AKT3: variants seen among roughly 807,000 people sequenced by gnomAD.
AKT3 encodes AKT serine/threonine kinase 3, also known as RAC-gamma serine/threonine-protein kinase.
AKT3 carries 15 observed loss-of-function variants against 65.3 expected under a neutral mutation model. That is an observed-to-expected ratio of 0.23 (90% confidence interval 0.15 to 0.35). The LOEUF is 0.35. Among genes scored for constraint, AKT3 ranks in the 10% least tolerant of loss-of-function variants. The pLI, the probability that AKT3 is intolerant of heterozygous loss-of-function variation, is 1.00. For missense variants in AKT3, 243 were observed against 576.5 expected (o/e 0.42, Z 5.92); for synonymous variants, 206 against 183.8 (o/e 1.12, Z -0.98).
intron 4 of AKT3, among the ~76,000 whole-genome samples, chr1:243,656,313 ATTAG>A (rs778150726): frequency 5.9e-5 from 9 of 152,208 alleles, no homozygotes; most frequent in South Asian, 2.1e-4. Flanking sequence ...TCACCAACTG[ATTAG>A]TTACTTACTA....
chr1:243,689,921 G>A (rs1157292511), intron 3 of AKT3, among the ~76,000 whole-genome samples: 1 of 151,738 alleles, frequency 6.6e-6, no homozygotes, highest in Non-Finnish European at 1.5e-5. Flanking sequence ...CTCCAGCCTG[G>A]GTGACAGAGT....
chr1:243,642,524 T>A (rs180917000), intron 5 of AKT3, among the ~76,000 whole-genome samples: 1 of 152,054 alleles, frequency 6.6e-6, no homozygotes, highest in Admixed American at 6.6e-5. Context: ...TTAGCCAGGA[T>A]GGTCTCGATC....
At chr1:243,807,175 G>C (rs369667929) in intron 2 of AKT3, among the ~76,000 whole-genome samples, 1 of 152,162 alleles carries the variant, frequency 6.6e-6, no homozygotes, top group Non-Finnish European at 1.5e-5. Context: ...GGGGATTGTC[G>C]GACAGTGGGT....
At chr1:243,561,555 C>T (rs902628026) in intron 10 of AKT3, among the ~76,000 whole-genome samples, 18 of 152,106 alleles carry the variant, frequency 1.2e-4, no homozygotes, top group Admixed American at 7.9e-4. Context: ...ATTGCATTTG[C>T]TATCTATCAT....
At chr1:243,693,243 GATATATATATATATAT>G (rs1172388560) in intron 3 of AKT3, among the ~76,000 whole-genome samples, 1,746 of 45,352 alleles carry the variant, frequency 0.038, 140 homozygotes, top group African/African-American at 0.13. Flanking sequence ...GCTACAATTT[GATATATATATATATAT>G]ATATATATAT....
chr1:243,746,632 A>G (rs1688485883), intron 2 of AKT3, among the ~76,000 whole-genome samples: 1 of 152,210 alleles, frequency 6.6e-6, no homozygotes, highest in African/African-American at 2.4e-5. Flanking sequence ...TGTACCTGAA[A>G]CTAACATACT....
At chr1:243,649,347 G>GT (rs1459106537) in intron 4 of AKT3, among the ~76,000 whole-genome samples, 1 of 142,692 alleles carries the variant, frequency 7.0e-6, no homozygotes, top group East Asian at 2.0e-4. Flanking sequence ...GTGTGTGTGT[G>GT]TGTGTGTGTG....
chr1:243,783,476 G>A (rs969164547), intron 2 of AKT3, among the ~76,000 whole-genome samples: 1 of 151,976 alleles, frequency 6.6e-6, no homozygotes, highest in African/African-American at 2.4e-5. Flanking sequence ...ATCTTCATCT[G>A]GACTAGGTAT....
At chr1:243,818,550 G>GA (rs1193666466) in intron 2 of AKT3, among the ~76,000 whole-genome samples, 2 of 152,038 alleles carry the variant, frequency 1.3e-5, no homozygotes, top group East Asian at 1.9e-4. Flanking sequence ...TTTGGACTAA[G>GA]AAAAAATGGC....
At chr1:243,786,952 TGAC>T (rs1691304426) in intron 2 of AKT3, among the ~76,000 whole-genome samples, 1 of 152,166 alleles carries the variant, frequency 6.6e-6, no homozygotes, top group South Asian at 2.1e-4. Context: ...ATGTAAGAAC[TGAC>T]CTGAGAACAC....
intron 12 of AKT3, among the ~76,000 whole-genome samples, chr1:243,513,493 TTC>T (rs1404603793): frequency 6.6e-6 from 1 of 152,162 alleles, no homozygotes; most frequent in African/African-American, 2.4e-5. Context: ...TTCCCACTCT[TTC>T]TGTCACCAAA....
At chr1:243,820,059 C>T (rs796962778) in intron 2 of AKT3, among the ~76,000 whole-genome samples, 21 of 152,320 alleles carry the variant, frequency 1.4e-4, no homozygotes, top group African/African-American at 5.0e-4. Flanking sequence ...GCTGGGACTA[C>T]AGGCGCATGC....
intron 2 of AKT3, among the ~76,000 whole-genome samples, chr1:243,730,433 G>C (rs1039096219): frequency 2.6e-5 from 4 of 152,230 alleles, no homozygotes; most frequent in Non-Finnish European, 5.9e-5. Flanking sequence ...GAAAAGGGCT[G>C]CAACACTTTC....
At chr1:243,706,619 C>T (rs1685815304) in intron 2 of AKT3, among the ~76,000 whole-genome samples, 1 of 152,138 alleles carries the variant, frequency 6.6e-6, no homozygotes, top group African/African-American at 2.4e-5. Flanking sequence ...GAATCCATGC[C>T]CTTCATAACT....
chr1:243,631,997 C>T (rs1445423532), intron 6 of AKT3, among the ~76,000 whole-genome samples: 1 of 152,208 alleles, frequency 6.6e-6, no homozygotes, highest in Non-Finnish European at 1.5e-5. Context: ...TTGAACCCCT[C>T]AAACTCATCC....
intron 5 of AKT3, among the ~76,000 whole-genome samples, chr1:243,642,468 C>CCCAG (rs1391103468): frequency 2.1e-4 from 32 of 152,176 alleles, no homozygotes; most frequent in African/African-American, 7.7e-4. Flanking sequence ...CGCCACCACG[C>CCCAG]CTGGTTAATT....
At chr1:243,796,305 T>C (rs1292930746) in intron 2 of AKT3, among the ~76,000 whole-genome samples, 1 of 152,208 alleles carries the variant, frequency 6.6e-6, no homozygotes, top group Non-Finnish European at 1.5e-5. Context: ...GAGAGCTCTT[T>C]TGAAATCAGC....
At chr1:243,644,083 A>G (rs575864981) in intron 5 of AKT3, among the ~76,000 whole-genome samples, 36 of 152,322 alleles carry the variant, frequency 2.4e-4, no homozygotes, top group Middle Eastern at 3.4e-3. Flanking sequence ...AACTTCAAAC[A>G]TATAAGATCT....
intron 3 of AKT3, among the ~76,000 whole-genome samples, chr1:243,682,614 T>C (rs181229943): frequency 6.6e-4 from 101 of 152,274 alleles, no homozygotes; most frequent in African/African-American, 2.1e-3. Context: ...CCATATTTAT[T>C]CCTATCATTT....
Sources: gnomAD v4.1 joint callset for allele counts (sites outside exome capture counted in the v4.1 genomes callset) on GRCh38, gnomAD v4.1.1 for gene constraint, MANE v1.5 for transcripts, NCBI Gene and HGNC (gene_info 2026-07-23, HGNC 2026-07-21) for gene names.